CLASP1: variants seen among roughly 807,000 people sequenced by gnomAD.
CLASP1 encodes cytoplasmic linker associated protein 1, also known as CLIP-associating protein 1.
CLASP1 carries 38 observed loss-of-function variants against 192.3 expected under a neutral mutation model. That is an observed-to-expected ratio of 0.20 (90% CI 0.15 to 0.26). CLASP1 has a LOEUF of 0.26. Among genes scored for constraint, CLASP1 ranks in the 10% least tolerant of loss-of-function variants. The pLI, the probability that CLASP1 is intolerant of heterozygous loss-of-function variation, is 1.00. For synonymous variants in CLASP1, 691 were observed against 712.8 expected (o/e 0.97, Z 0.49); for missense variants, 1,433 against 1,932.5 (o/e 0.74, Z 4.85).
At chr2:121,446,505 C>T (rs901012784) in intron 19 of CLASP1, among the ~76,000 whole-genome samples, 2 of 152,200 alleles carry the variant, frequency 1.3e-5, no homozygotes. Context: ...GTAACTCCAC[C>T]TCAATATTTC....
intron 34 of CLASP1, among the ~76,000 whole-genome samples, chr2:121,369,249 G>A (rs997201018): frequency 6.6e-6 from 1 of 152,080 alleles, no homozygotes; most frequent in Non-Finnish European, 1.5e-5. Context: ...GAGGTGCTGG[G>A]ATGCATTTGG....
chr2:121,346,502 G>A (rs894539324), intron 39 of CLASP1, among the ~76,000 whole-genome samples: 1 of 152,264 alleles, frequency 6.6e-6, no homozygotes, highest in Non-Finnish European at 1.5e-5. Flanking sequence ...AGAGGCAGCA[G>A]TGTGAGTAAG....
chr2:121,614,254 G>C (rs1438204903), intron 1 of CLASP1, among the ~76,000 whole-genome samples: 1 of 152,208 alleles, frequency 6.6e-6, no homozygotes, highest in Non-Finnish European at 1.5e-5. Context: ...CCAGCACTTT[G>C]GGAGGCCAAG....
At chr2:121,538,329 T>C (rs1327796358) in intron 2 of CLASP1, among the ~76,000 whole-genome samples, 7 of 151,992 alleles carry the variant, frequency 4.6e-5, no homozygotes, top group Non-Finnish European at 8.8e-5. Flanking sequence ...GGAGAATCGC[T>C]TGAAACCGGG....
intron 2 of CLASP1, among the ~76,000 whole-genome samples, chr2:121,592,904 C>T (rs1372059532): frequency 6.6e-6 from 1 of 152,142 alleles, no homozygotes; most frequent in Non-Finnish European, 1.5e-5. Context: ...CCTCGGCCTC[C>T]CAAAGTGCTG....
chr2:121,626,798 T>C (rs2068457590), intron 1 of CLASP1, among the ~76,000 whole-genome samples: 1 of 152,148 alleles, frequency 6.6e-6, no homozygotes, highest in African/African-American at 2.4e-5. Context: ...CTCCTTCTTC[T>C]CACCAACAAT....
intron 1 of CLASP1, among the ~76,000 whole-genome samples, chr2:121,621,929 A>T (rs978485275): frequency 2.1e-4 from 32 of 152,026 alleles, no homozygotes; most frequent in Non-Finnish European, 3.5e-4. Flanking sequence ...CTTACTGCAA[A>T]CTTTGCCTCC....
chr2:121,401,761 T>C, intron 27 of CLASP1, 89 bp from the exon 29 acceptor site: 1 of 1,130,150 alleles, frequency 8.8e-7, no homozygotes, highest in Non-Finnish European at 1.3e-6. Flanking sequence ...CCATACGTGC[T>C]TTGCCCAGAC....
chr2:121,544,002 T>A (rs2095282656), intron 2 of CLASP1, among the ~76,000 whole-genome samples: 1 of 152,298 alleles, frequency 6.6e-6, no homozygotes, highest in East Asian at 1.9e-4. Flanking sequence ...CCCAAAAAGA[T>A]GAACAAATAA....
exon 26 of CLASP1, chr2:121,404,372 T>C (rs2076604098): frequency 2.5e-6 from 4 of 1,611,806 alleles, no homozygotes; most frequent in Admixed American, 1.7e-5. Flanking sequence ...CAGACTTACC[T>C]TGCTATGAGG....
chr2:121,555,241 C>T (rs2058437809), intron 2 of CLASP1, among the ~76,000 whole-genome samples: 1 of 152,228 alleles, frequency 6.6e-6, no homozygotes, highest in South Asian at 2.1e-4. Context: ...TGTGTGTTCT[C>T]TCTGCTGTCT....
At chr2:121,515,691 G>A (rs1046431225) in exon 7 of CLASP1, 1 of 1,613,914 alleles carries the variant, frequency 6.2e-7, no homozygotes. Flanking sequence ...CTTTTTTACT[G>A]AGATCTGCCC....
chr2:121,536,147 C>A (rs886794176), intron 2 of CLASP1, among the ~76,000 whole-genome samples: 1 of 150,904 alleles, frequency 6.6e-6, no homozygotes. Flanking sequence ...TTTGGGAGGC[C>A]GAGGTGGGCA....
At chr2:121,603,374 G>C (rs2064025873) in intron 2 of CLASP1, among the ~76,000 whole-genome samples, 1 of 152,066 alleles carries the variant, frequency 6.6e-6, no homozygotes, top group East Asian at 1.9e-4. Flanking sequence ...CCACAATGAG[G>C]TATCAACTCA....
intron 1 of CLASP1, among the ~76,000 whole-genome samples, chr2:121,634,513 A>G (rs1454038126): frequency 6.6e-6 from 1 of 152,198 alleles, no homozygotes; most frequent in Non-Finnish European, 1.5e-5. Flanking sequence ...CTAATCTCCC[A>G]GTGCTTAGTC....
At chr2:121,406,829 G>A (rs1342502831) in intron 25 of CLASP1, among the ~76,000 whole-genome samples, 1 of 152,098 alleles carries the variant, frequency 6.6e-6, no homozygotes, top group Non-Finnish European at 1.5e-5. Context: ...GGAGTCAAGT[G>A]CTCCTCCTGC....
chr2:121,582,520 GAGAA>G (rs1005837825), intron 2 of CLASP1, among the ~76,000 whole-genome samples: 10 of 149,494 alleles, frequency 6.7e-5, no homozygotes, highest in Admixed American at 2.7e-4. Flanking sequence ...AGAGGAGAGA[GAGAA>G]AGAAAGACAG....
chr2:121,389,562 G>A (rs1558997354), intron 30 of CLASP1, among the ~76,000 whole-genome samples: 1 of 151,646 alleles, frequency 6.6e-6, no homozygotes, highest in Non-Finnish European at 1.5e-5. Flanking sequence ...ATTGTAGCAG[G>A]GAAAACACAT....
chr2:121,630,491 C>T (rs1413223956), intron 1 of CLASP1, among the ~76,000 whole-genome samples: 1 of 151,728 alleles, frequency 6.6e-6, no homozygotes, highest in Non-Finnish European at 1.5e-5. Flanking sequence ...GTATTGGTAA[C>T]ATCTACAAGG....
Sources: gnomAD v4.1 joint callset for allele counts (sites outside exome capture counted in the v4.1 genomes callset) on GRCh38, gnomAD v4.1.1 for gene constraint, MANE v1.5 for transcripts, NCBI Gene and HGNC (gene_info 2026-07-23, HGNC 2026-07-21) for gene names.